MAST2: variants seen among roughly 807,000 people sequenced by gnomAD.
MAST2 encodes microtubule associated serine/threonine kinase 2, also known as microtubule-associated serine/threonine-protein kinase 2.
In MAST2, 70 loss-of-function variants were observed where a neutral mutation model predicts 147.4. The ratio of observed to expected loss-of-function variants is 0.47; its 90% CI spans 0.39 to 0.58. The LOEUF is 0.58. MAST2 is among the 20% of genes least tolerant of loss of function. MAST2 has a pLI of 0.00. For missense variants in MAST2, 2,080 were observed against 2,302.3 expected, an observed-to-expected ratio of 0.90 and a Z score of 1.98; for synonymous variants, 869 against 896.8, an observed-to-expected ratio of 0.97 and a Z score of 0.55.
chr1:45,892,034 GT>G (rs1422981100), intron 4 of MAST2, among the ~76,000 whole-genome samples: 3 of 152,156 alleles, frequency 2.0e-5, no homozygotes, highest in Admixed American at 1.3e-4. Flanking sequence ...TCCCAGGAAG[GT>G]TTTGTAAGTA....
intron 5 of MAST2, among the ~76,000 whole-genome samples, chr1:45,964,076 A>G (rs1487269960): frequency 6.6e-6 from 1 of 152,208 alleles, no homozygotes; most frequent in African/African-American, 2.4e-5. Flanking sequence ...CCACTTGATC[A>G]TGGTGGATAA....
chr1:46,023,683 T>TA lies in MAST2; in HGVS notation c.1572-87dup, dbSNP rs1175682131. ...TTGCCCCCTTGTTCTGTGCATTAAT[T>TA]AAGGTGTGAGAGAAGGCAGTTTGGG... is the stretch of plus-strand genomic sequence containing the variant. On this transcript the variant is annotated intron_variant, in intron 14 of 28. Transcript: ENST00000361297. The surrounding 1 kb of genome is among the most constrained non-coding windows in gnomAD (Gnocchi z 4.9). 9 of 1,178,136 alleles carry TA rather than the reference T, an allele frequency of 7.6e-6. No homozygotes were observed. Among genetic ancestry groups the TA allele is most frequent in the Admixed American group, 2.0e-5 (1 of 49,432 alleles). 73.0% of individuals were successfully genotyped at this position (1,178,136 alleles called of 1,614,324 possible).
chr1:46,030,564 C>A (rs367952644), intron 21 of MAST2, 43 bp from the exon 22 acceptor site: 18 of 1,558,504 alleles, frequency 1.2e-5, no homozygotes, highest in Non-Finnish European at 1.3e-5. Context: ...TTGGGAGGTA[C>A]GGCTGCCAGA....
intron 3 of MAST2, among the ~76,000 whole-genome samples, chr1:45,857,844 T>TG (rs1246517145): frequency 7.2e-6 from 1 of 138,946 alleles, no homozygotes; most frequent in Non-Finnish European, 1.5e-5. Context: ...AGTGAGAACA[T>TG]GCGGTGTTTT....
intron 1 of MAST2, among the ~76,000 whole-genome samples, chr1:45,818,114 A>C (rs1644511927): frequency 1.3e-5 from 2 of 152,148 alleles, no homozygotes; most frequent in African/African-American, 4.8e-5. Context: ...CACTTGTTGA[A>C]GCTTGGTTGT....
At chr1:45,943,479 G>A (rs190271702) in intron 4 of MAST2, among the ~76,000 whole-genome samples, 156 of 152,276 alleles carry the variant, frequency 1.0e-3, no homozygotes, top group African/African-American at 3.7e-3. Flanking sequence ...AGGGTTGAGG[G>A]AACAAGTTAA....
chr1:45,969,312 T>C (rs1323909133), intron 5 of MAST2, among the ~76,000 whole-genome samples: 1 of 152,136 alleles, frequency 6.6e-6, no homozygotes, highest in African/African-American at 2.4e-5. Context: ...CCTTTAGTAA[T>C]GTATTGGTAA....
At chr1:45,837,208 C>A (rs999550679) in intron 3 of MAST2, among the ~76,000 whole-genome samples, 1 of 152,156 alleles carries the variant, frequency 6.6e-6, no homozygotes, top group Non-Finnish European at 1.5e-5. Flanking sequence ...TGGTCCCTAA[C>A]AGGCCATGGA....
chr1:45,906,196 A>G lies in MAST2; in HGVS notation c.500+23801A>G, dbSNP rs544427513. Among the ~76,000 whole-genome samples the G allele has an allele frequency of 2.0e-5, 3 of 152,324 alleles. No homozygotes were observed. In the East Asian group the frequency reaches 5.8e-4, roughly 29 times the overall value. ...TTCAGATGCAGATATTTTGTCAGAT[A>G]TATATAGTCATGCAATACCATGCAA... On this transcript the variant is annotated intron_variant, in intron 4 of 28. Coordinates refer to ENST00000361297, the MANE Select transcript of MAST2 (RefSeq NM_015112.3).
intron 7 of MAST2, among the ~76,000 whole-genome samples, chr1:46,003,542 G>T (rs767132172): frequency 1.3e-5 from 2 of 151,394 alleles, no homozygotes; most frequent in East Asian, 3.9e-4. Context: ...ATCACGGCTC[G>T]CTGCAGCTTC....
At chr1:45,998,868 C>A (rs939837222) in intron 6 of MAST2, among the ~76,000 whole-genome samples, 6 of 152,048 alleles carry the variant, frequency 3.9e-5, no homozygotes, top group African/African-American at 1.4e-4. Context: ...GCTGGGACTA[C>A]AGGCGCCCGC....
At chr1:45,847,798 C>T (rs189791081) in intron 3 of MAST2, among the ~76,000 whole-genome samples, 1 of 152,264 alleles carries the variant, frequency 6.6e-6, no homozygotes, top group African/African-American at 2.4e-5. Flanking sequence ...AAGCCATCTC[C>T]CCGCCTCAGC....
At chr1:45,854,038 A>T (rs769215509) in intron 3 of MAST2, among the ~76,000 whole-genome samples, 32 of 152,158 alleles carry the variant, frequency 2.1e-4, no homozygotes, top group Non-Finnish European at 4.4e-4. Context: ...TTTTGCCAAA[A>T]ATCAGTTGGA....
intron 1 of MAST2, among the ~76,000 whole-genome samples, chr1:45,823,102 T>C (rs1177821176): frequency 1.3e-5 from 2 of 152,168 alleles, no homozygotes; most frequent in Non-Finnish European, 2.9e-5. Flanking sequence ...TGTTTGGGCA[T>C]TTGTAAATCA....
chr1:45,816,684 A>G (rs985577649), intron 1 of MAST2, among the ~76,000 whole-genome samples: 2 of 152,000 alleles, frequency 1.3e-5, no homozygotes, highest in African/African-American at 2.4e-5. Context: ...GAATTTATTT[A>G]TTTATTTATT....
At chr1:45,818,036 A>C (rs1644508758) in intron 1 of MAST2, among the ~76,000 whole-genome samples, 1 of 152,202 alleles carries the variant, frequency 6.6e-6, no homozygotes, top group South Asian at 2.1e-4. Flanking sequence ...TGCTTGAAGA[A>C]GTGGTAGTTG....
rs1394429105 is a variant in MAST2 at position 46,030,548 on chromosome 1, T to C, written c.2554-59T>C. 9.8e-6 allele frequency: 15 copies of C among 1,536,528 alleles called. No individual in the cohort carries two copies. The East Asian group carries it at 3.3e-4, about 34-fold the overall frequency. On this transcript the variant is annotated intron_variant, in intron 21 of 28. Coordinates refer to ENST00000361297, the MANE Select transcript of MAST2 (RefSeq NM_015112.3). Reference sequence around the variant, plus strand: ...GGTTTCCGATGCCAAGGATGCTTTATGCCACTTGGGAGGTACGGCTGCCAG... The same window carrying C: ...GGTTTCCGATGCCAAGGATGCTTTACGCCACTTGGGAGGTACGGCTGCCAG...
intron 5 of MAST2, among the ~76,000 whole-genome samples, chr1:45,989,042 C>T (rs1644759265): frequency 6.6e-6 from 1 of 152,130 alleles, no homozygotes; most frequent in African/African-American, 2.4e-5. Context: ...TTTCTAGTCC[C>T]TCTTAGCTGA....
At chr1:45,952,929 A>G (rs1029402267) in intron 4 of MAST2, among the ~76,000 whole-genome samples, 5 of 152,252 alleles carry the variant, frequency 3.3e-5, no homozygotes, top group Admixed American at 6.5e-5. Context: ...TAGAAAATAC[A>G]TGAGTAAATC....
Sources: gnomAD v4.1 joint callset for allele counts (sites outside exome capture counted in the v4.1 genomes callset) on GRCh38, gnomAD v4.1.1 for gene constraint, Gnocchi (gnomAD v3.1) non-coding constraint, MANE v1.5 for transcripts, NCBI Gene and HGNC (gene_info 2026-07-23, HGNC 2026-07-21) for gene names.